Variants in ASTN2 observed in about 807,000 individuals in gnomAD.
The protein encoded by ASTN2 is astrotactin 2.
A neutral mutation model predicts 139.8 loss-of-function variants in ASTN2; 54 were observed. The ratio of observed to expected loss-of-function variants is 0.39; its 90% CI spans 0.31 to 0.48. The LOEUF (loss-of-function observed/expected upper bound fraction) is 0.48, where lower values mean the gene tolerates loss of function less well. Among genes scored for constraint, ASTN2 ranks in the 20% least tolerant of loss-of-function variants. ASTN2 has a pLI of 0.95. For synonymous variants in ASTN2, 756 were observed against 719.5 expected (o/e 1.05, Z -0.81); for missense variants, 1,565 against 1,725.1 (o/e 0.91, Z 1.64).
chr9:116,854,333 CAGTT>C (rs1327139400), intron 11 of ASTN2, among the ~76,000 whole-genome samples: 19 of 152,212 alleles, frequency 1.2e-4, no homozygotes, highest in African/African-American at 3.6e-4. Context: ...TATGCATTCT[CAGTT>C]AGTCCTAACA....
intron 13 of ASTN2, among the ~76,000 whole-genome samples, chr9:116,798,805 G>A (rs8181035): frequency 0.26 from 39,755 of 151,960 alleles, 5,537 homozygotes; most frequent in African/African-American, 0.35. Flanking sequence ...CCAGATTTCC[G>A]AACACCAGAA....
At chr9:116,610,938 A>G (rs975029790) in intron 19 of ASTN2, 3 of 152,178 alleles carry the variant, frequency 2.0e-5, no homozygotes, top group Admixed American at 1.3e-4. Flanking sequence ...GAATAACATA[A>G]TTAACCGATT....
rs765628506 is a variant in ASTN2 at position 116,440,660 on chromosome 9, T to C, written c.3731A>G (p.Tyr1244Cys). The change falls in exon 22 of 23, where the codon TAT becomes TGT. Residue 1244 changes from tyrosine to cysteine, a missense_variant. By Grantham distance (194) the Tyr-to-Cys change is radical (BLOSUM62 -2). Coordinates refer to ENST00000313400, the MANE Select transcript of ASTN2 (RefSeq NM_001365068.1). ...FRVQHHYNSHYEKFGDFVWRS... is the reference protein window; with the variant it reads ...FRVQHHYNSHCEKFGDFVWRS... Reference sequence around the variant, plus strand: ...CCAGACGAAGTCGCCAAACTTTTCATAGTGAGAGTTGTAGTGGTGCTGGAC... The same window carrying C: ...CCAGACGAAGTCGCCAAACTTTTCACAGTGAGAGTTGTAGTGGTGCTGGAC... The C allele has an allele frequency of 3.7e-6, 6 of 1,614,130 alleles. No individual in the cohort carries two copies. Among genetic ancestry groups the C allele is most frequent in the Non-Finnish European group, 5.1e-6 (6 of 1,180,026 alleles).
At chr9:116,542,147 A>C (rs1851902184) in intron 19 of ASTN2, among the ~76,000 whole-genome samples, 1 of 152,114 alleles carries the variant, frequency 6.6e-6, no homozygotes, top group African/African-American at 2.4e-5. Context: ...TTTCCTTTTT[A>C]TTAAACATTA....
chr9:116,674,889 A>G (rs1859412079), intron 16 of ASTN2, among the ~76,000 whole-genome samples: 2 of 152,052 alleles, frequency 1.3e-5, no homozygotes, highest in African/African-American at 4.8e-5. Flanking sequence ...CTGCTCCCCA[A>G]ATGCTCAGGG....
chr9:117,054,542 T>A (rs1431298784), intron 5 of ASTN2, among the ~76,000 whole-genome samples: 1 of 152,192 alleles, frequency 6.6e-6, no homozygotes, highest in African/African-American at 2.4e-5. Flanking sequence ...AGCAAATCCT[T>A]AATCCAGATT....
At chr9:117,194,053 C>A (rs900046598) in intron 3 of ASTN2, among the ~76,000 whole-genome samples, 4 of 152,144 alleles carry the variant, frequency 2.6e-5, no homozygotes, top group African/African-American at 7.2e-5. Context: ...CAAGAAAGGG[C>A]AGGTTGAGCA....
At chr9:117,255,662 G>A (rs1833666237) in intron 2 of ASTN2, among the ~76,000 whole-genome samples, 1 of 152,196 alleles carries the variant, frequency 6.6e-6, no homozygotes, top group South Asian at 2.1e-4. Context: ...GAAAAGTACA[G>A]AAAGAAGATT....
intron 10 of ASTN2, among the ~76,000 whole-genome samples, chr9:116,968,249 C>A (rs1432763533): frequency 1.3e-5 from 2 of 152,146 alleles, no homozygotes; most frequent in African/African-American, 4.8e-5. Context: ...GCACAATGTT[C>A]ATTACACAGT....
chr9:117,228,448 T>C (rs1206222772), intron 2 of ASTN2, among the ~76,000 whole-genome samples: 1 of 152,148 alleles, frequency 6.6e-6, no homozygotes, highest in East Asian at 1.9e-4. Context: ...GCCAATTGTC[T>C]TGACGGCATG....
At chr9:116,957,500 G>A (rs2132496956) in intron 10 of ASTN2, among the ~76,000 whole-genome samples, 1 of 152,230 alleles carries the variant, frequency 6.6e-6, no homozygotes, top group South Asian at 2.1e-4. Context: ...GAAAGTCCCA[G>A]CCCATGTGTT....
At chr9:117,219,314 C>T (rs918309645) in intron 2 of ASTN2, among the ~76,000 whole-genome samples, 25 of 152,204 alleles carry the variant, frequency 1.6e-4, no homozygotes, top group African/African-American at 5.8e-4. Flanking sequence ...GTGCTCAGCA[C>T]GGCCAGTGTG....
intron 6 of ASTN2, among the ~76,000 whole-genome samples, chr9:117,023,853 G>T (rs4838082): frequency 0.036 from 5,476 of 152,192 alleles, 196 homozygotes; most frequent in South Asian, 0.16. Flanking sequence ...AGAGAAGGAT[G>T]GGGACTGAAA....
intron 1 of ASTN2, among the ~76,000 whole-genome samples, chr9:117,397,334 T>G (rs1390847172): frequency 6.6e-6 from 1 of 152,162 alleles, no homozygotes; most frequent in Non-Finnish European, 1.5e-5. Context: ...GAAAGTGGTT[T>G]CTAGGAGGAC....
chr9:116,828,018 C>A (rs879463321), intron 11 of ASTN2, among the ~76,000 whole-genome samples: 2 of 152,132 alleles, frequency 1.3e-5, no homozygotes, highest in East Asian at 1.9e-4. Context: ...AGCAAAAGGC[C>A]GGGCACAGTG....
At chr9:117,172,706 T>C (rs1830822994) in intron 3 of ASTN2, among the ~76,000 whole-genome samples, 1 of 152,088 alleles carries the variant, frequency 6.6e-6, no homozygotes, top group African/African-American at 2.4e-5. Context: ...CTCTCACGAA[T>C]GGGAAAAAGG....
At position 117,201,625 on chromosome 9, in the gene ASTN2, C is replaced by A. The variant is rs552869000; in HGVS notation, c.1015+12733G>T. On this transcript the variant is annotated intron_variant, in intron 3 of 22. Transcript: ENST00000313400. ...AGGAGTCATTCAGGAGCAGGTTGTTCAATTTCCATGAAAATGTGTGGTTTT... is the reference window on the plus strand; with the variant it reads ...AGGAGTCATTCAGGAGCAGGTTGTTAAATTTCCATGAAAATGTGTGGTTTT... 1.6e-4 allele frequency among the ~76,000 whole-genome samples: 24 copies of A among 152,292 alleles called. 1 individual carries two copies. The South Asian group carries it at 5.0e-3, about 32-fold the overall frequency.
chr9:117,164,426 G>A (rs1298336230), intron 3 of ASTN2, among the ~76,000 whole-genome samples: 2 of 152,110 alleles, frequency 1.3e-5, no homozygotes, highest in Non-Finnish European at 2.9e-5. Context: ...GTGAACAGAA[G>A]CCTGGAGGAA....
rs575132812 is a variant in ASTN2 at position 116,746,321 on chromosome 9, C to T, written c.2397-12798G>A. Among the ~76,000 whole-genome samples the T allele has an allele frequency of 8.6e-5, 13 of 151,938 alleles. No individual in the cohort carries two copies. The East Asian group carries it at 2.1e-3, about 25-fold the overall frequency. ...CAGGCTGGTCTCAAACTCCTGATCTCGTGATCTGCCTGTCTCAGCCTCCTA... is the reference window on the plus strand; with the variant it reads ...CAGGCTGGTCTCAAACTCCTGATCTTGTGATCTGCCTGTCTCAGCCTCCTA... On this transcript the variant is annotated intron_variant, in intron 13 of 22. Coordinates refer to ENST00000313400, the MANE Select transcript of ASTN2 (RefSeq NM_001365068.1).
Sources: gnomAD v4.1 joint callset for allele counts (sites outside exome capture counted in the v4.1 genomes callset) on GRCh38, gnomAD v4.1.1 for gene constraint, MANE v1.5 for transcripts, NCBI Gene and HGNC (gene_info 2026-07-23, HGNC 2026-07-21) for gene names.